The following PIWIL2 variants were observed in gnomAD, a reference collection of about 807,000 sequenced individuals.
PIWIL2 encodes the protein piwi like RNA-mediated gene silencing 2, also known as piwi-like protein 2.
A neutral mutation model predicts 116.5 loss-of-function variants in PIWIL2; 81 were observed. The observed-to-expected ratio is 0.70, with a 90% CI of 0.58 to 0.84. PIWIL2 has a LOEUF of 0.84. Among genes scored for constraint, PIWIL2 ranks in the 40% least tolerant of loss-of-function variants. The pLI is 0.00. For synonymous variants in PIWIL2, 489 were observed against 429.5 expected (o/e 1.14, Z -1.71); for missense variants, 1,272 against 1,212.3 (o/e 1.05, Z -0.73).
At chr8:22,286,138 G>GT (rs2131990541) in intron 6 of PIWIL2, among the ~76,000 whole-genome samples, 1 of 152,324 alleles carries the variant, frequency 6.6e-6, no homozygotes, top group Non-Finnish European at 1.5e-5. Context: ...TAATGAGAAG[G>GT]TGGTTGACTT....
intron 17 of PIWIL2, 46 bp from the exon 18 acceptor site, chr8:22,314,983 G>A (rs754186519): frequency 5.9e-6 from 6 of 1,013,914 alleles, no homozygotes; most frequent in South Asian, 1.3e-5. Context: ...CTGAGAGGTT[G>A]ATAGTGACCT....
chr8:22,298,223 C>T (rs918102580), intron 10 of PIWIL2, among the ~76,000 whole-genome samples: 10 of 151,678 alleles, frequency 6.6e-5, no homozygotes, highest in Non-Finnish European at 1.3e-4. Flanking sequence ...AATCGCACCA[C>T]TGCACTCCAG....
chr8:22,277,821 A>C (rs7830374), intron 1 of PIWIL2, among the ~76,000 whole-genome samples: 1,696 of 152,320 alleles, frequency 0.011, 43 homozygotes, highest in African/African-American at 0.038. Context: ...AACAAAGCAA[A>C]AACCCATAAA....
At chr8:22,326,059 A>G (rs1003863411) in intron 20 of PIWIL2, among the ~76,000 whole-genome samples, 12 of 152,144 alleles carry the variant, frequency 7.9e-5, no homozygotes, top group African/African-American at 2.9e-4. Flanking sequence ...CTATCTCTGC[A>G]CTGCTGTAGT....
chr8:22,353,075 T>C lies in PIWIL2; in HGVS notation c.2520T>C (p.Phe840=). 1 of 1,613,912 alleles carries C rather than the reference T, an allele frequency of 6.2e-7. No homozygotes were observed. Among genetic ancestry groups the C allele is most frequent in the Non-Finnish European group, 8.5e-7 (1 of 1,179,744 alleles). Residue 840 remains phenylalanine (F), a synonymous_variant, in exon 21 of 23, where the codon TTT becomes TTC. Transcript: ENST00000356766. The stretch of plus-strand genomic sequence containing the variant: ...AACTACAGAAGTGTTTTGAAGCTTT[T>C]GAGAATTATCAGCCCAAGATGGTGG... ...IPQLQKCFEA[F]ENYQPKMVVF...
chr8:22,319,065 G>A (rs944045085), intron 20 of PIWIL2, among the ~76,000 whole-genome samples: 5 of 152,198 alleles, frequency 3.3e-5, no homozygotes, highest in African/African-American at 1.2e-4. Context: ...AGAACAGTGA[G>A]CAAGCAAGGT....
intron 21 of PIWIL2, among the ~76,000 whole-genome samples, chr8:22,353,902 A>G (rs1832431870): frequency 6.6e-6 from 1 of 150,420 alleles, no homozygotes; most frequent in South Asian, 2.1e-4. Context: ...CAGCCTCCTG[A>G]GTAGCTGGGA....
chr8:22,306,110 T>G, intron 13 of PIWIL2, 94 bp downstream of exon 13: 1 of 821,582 alleles, frequency 1.2e-6, no homozygotes, highest in Non-Finnish European at 2.1e-6. Context: ...GTTCCAACTC[T>G]GATGTTGGCT....
intron 7 of PIWIL2, 64 bp downstream of exon 7, chr8:22,287,709 G>C: frequency 9.3e-7 from 1 of 1,080,610 alleles, no homozygotes; most frequent in Non-Finnish European, 1.4e-6. Flanking sequence ...TTTTTTGTTT[G>C]GTTTTGCTTT....
intron 10 of PIWIL2, among the ~76,000 whole-genome samples, chr8:22,290,613 A>ATTTT (rs34573190): frequency 9.6e-4 from 110 of 114,070 alleles, no homozygotes; most frequent in East Asian, 3.9e-3. Flanking sequence ...CCAATTTTTA[A>ATTTT]TTTTTTTTTT....
intron 1 of PIWIL2, among the ~76,000 whole-genome samples, chr8:22,278,413 A>G (rs138641760): frequency 6.6e-6 from 1 of 151,960 alleles, no homozygotes; most frequent in Non-Finnish European, 1.5e-5. Flanking sequence ...CCAGCTACTC[A>G]GGAGACTGAG....
rs1831635263 is a variant in PIWIL2, at chr8:22,322,886, ATC to A, written c.2403+4614_2403+4615del. On this transcript the variant is annotated intron_variant, in intron 20 of 22. Transcript: ENST00000356766. ...TATCTCAGGTTGTGATTACTCTCAT[ATC>A]TCAAGAGCCAGACACCTTCCCCAGG... is the stretch of plus-strand genomic sequence containing the variant. Among the ~76,000 whole-genome samples the A allele has an allele frequency of 2.0e-5, 3 of 152,092 alleles. No individual in the cohort carries two copies. The South Asian group carries it at 6.2e-4, about 31-fold the overall frequency.
intron 17 of PIWIL2, among the ~76,000 whole-genome samples, chr8:22,314,707 T>G (rs1310218020): frequency 1.3e-5 from 2 of 152,174 alleles, no homozygotes; most frequent in Non-Finnish European, 2.9e-5. Context: ...AATATAGGCT[T>G]CATTCTGAAA....
intron 20 of PIWIL2, among the ~76,000 whole-genome samples, chr8:22,321,681 G>C (rs555045290): frequency 6.6e-6 from 1 of 152,026 alleles, no homozygotes; most frequent in African/African-American, 2.4e-5. Flanking sequence ...ATGTCAGCCC[G>C]GTTGACAGAG....
At chr8:22,314,231 C>T in intron 16 of PIWIL2, 97 bp from the exon 17 acceptor site, 1 of 524,398 alleles carries the variant, frequency 1.9e-6, no homozygotes, top group Non-Finnish European at 3.3e-6. Flanking sequence ...CTTAAAGGTC[C>T]TATGGCTTTG....
intron 20 of PIWIL2, among the ~76,000 whole-genome samples, chr8:22,335,570 C>T (rs1027042129): frequency 1.6e-5 from 2 of 123,488 alleles, no homozygotes; most frequent in Non-Finnish European, 1.6e-5. Context: ...TTTTTTGAGA[C>T]GCAGTCTTGC....
At chr8:22,344,260 A>C (rs1039395552) in intron 20 of PIWIL2, among the ~76,000 whole-genome samples, 3 of 152,236 alleles carry the variant, frequency 2.0e-5, no homozygotes, top group Non-Finnish European at 2.9e-5. Flanking sequence ...TTTTTAGGGC[A>C]CTGAAACTAG....
At chr8:22,293,085 T>C (rs1217185434) in intron 10 of PIWIL2, among the ~76,000 whole-genome samples, 2 of 152,224 alleles carry the variant, frequency 1.3e-5, no homozygotes, top group African/African-American at 2.4e-5. Flanking sequence ...GTTTCTGCCT[T>C]TGCTTTTATA....
chr8:22,348,224 C>T (rs911209281), intron 20 of PIWIL2, among the ~76,000 whole-genome samples: 16 of 151,518 alleles, frequency 1.1e-4, no homozygotes, highest in African/African-American at 3.4e-4. Context: ...CGCTTGAACC[C>T]GGGAGGCGGA....
Sources: gnomAD v4.1 joint callset for allele counts (sites outside exome capture counted in the v4.1 genomes callset) on GRCh38, gnomAD v4.1.1 for gene constraint, MANE v1.5 for transcripts, NCBI Gene and HGNC (gene_info 2026-07-23, HGNC 2026-07-21) for gene names.